CNTN5: variants seen among roughly 807,000 people sequenced by gnomAD.
CNTN5 encodes contactin-5.
In CNTN5, 77 loss-of-function variants were observed where a neutral mutation model predicts 129.1. That is an observed-to-expected ratio of 0.60 (90% CI 0.50 to 0.72). The LOEUF (loss-of-function observed/expected upper bound fraction) is 0.72, where lower values mean the gene tolerates loss of function less well. Among genes scored for constraint, CNTN5 ranks in the 30% least tolerant of loss-of-function variants. The pLI is 0.00. For missense variants in CNTN5, 1,478 were observed against 1,328.8 expected (o/e 1.11, Z -1.75); for synonymous variants, 509 against 465.6 (o/e 1.09, Z -1.20).
chr11:99,769,185 A>G (rs1944860327), intron 3 of CNTN5, among the ~76,000 whole-genome samples: 1 of 152,100 alleles, frequency 6.6e-6, no homozygotes, highest in African/African-American at 2.4e-5. Flanking sequence ...GGCAACTTTG[A>G]CCTGTTGTCT....
chr11:99,520,370 C>G (rs890648392), intron 2 of CNTN5, among the ~76,000 whole-genome samples: 5 of 152,068 alleles, frequency 3.3e-5, no homozygotes, highest in African/African-American at 1.2e-4. Context: ...CTCCCCCAAT[C>G]CTCATCAGTG....
At chr11:99,218,604 G>C (rs537288324) in intron 1 of CNTN5, among the ~76,000 whole-genome samples, 1 of 151,910 alleles carries the variant, frequency 6.6e-6, no homozygotes, top group Non-Finnish European at 1.5e-5. Flanking sequence ...GCAATCAGGG[G>C]TATATCCAAT....
At position 100,193,525 on chromosome 11, in the gene CNTN5, A is replaced by G; in HGVS notation, c.1746A>G (p.Glu582=). 1 of 1,608,652 alleles carries G rather than the reference A, an allele frequency of 6.2e-7. No homozygotes were observed. Among genetic ancestry groups the G allele is most frequent in the Non-Finnish European group, 8.5e-7 (1 of 1,177,134 alleles). ...TRIELTPKRT[E]LTVGESIVLN... is the part of the protein sequence containing the mutation. ...TAGAACTTACTCCTAAAAGAACAGA[A>G]TTGACAGTGGGAGAAAGCATTGTCC... The change falls in exon 15 of 25, where the codon GAA becomes GAG. Residue 582 remains glutamate, a synonymous_variant. Transcript: ENST00000524871.
At chr11:99,533,167 G>C (rs11220331) in intron 2 of CNTN5, among the ~76,000 whole-genome samples, 1 of 152,154 alleles carries the variant, frequency 6.6e-6, no homozygotes, top group African/African-American at 2.4e-5. Context: ...AGGTTGCAGT[G>C]AGCCAAGATT....
chr11:99,649,265 C>T (rs1176052160), intron 3 of CNTN5, among the ~76,000 whole-genome samples: 1 of 151,602 alleles, frequency 6.6e-6, no homozygotes, highest in Non-Finnish European at 1.5e-5. Flanking sequence ...CAAATTACTT[C>T]TATTAATTTA....
chr11:99,653,082 G>A (rs989464850), intron 3 of CNTN5, among the ~76,000 whole-genome samples: 12 of 151,914 alleles, frequency 7.9e-5, no homozygotes, highest in African/African-American at 2.2e-4. Flanking sequence ...GAATTCACTG[G>A]TTTCAATTTT....
intron 18 of CNTN5, among the ~76,000 whole-genome samples, chr11:100,276,161 T>C (rs1218607872): frequency 6.6e-6 from 1 of 152,194 alleles, no homozygotes; most frequent in Non-Finnish European, 1.5e-5. Context: ...TATTCTGTCA[T>C]AGAATTGCCC....
chr11:99,172,360 A>C (rs538020679), intron 1 of CNTN5, among the ~76,000 whole-genome samples: 1 of 152,354 alleles, frequency 6.6e-6, no homozygotes, highest in South Asian at 2.1e-4. Context: ...TGCGTATCCA[A>C]GATTTCCATT....
chr11:99,616,464 A>G (rs1950763922), intron 3 of CNTN5, among the ~76,000 whole-genome samples: 1 of 152,232 alleles, frequency 6.6e-6, no homozygotes, highest in Non-Finnish European at 1.5e-5. Flanking sequence ...ATAATTCACT[A>G]TGATAGAAAT....
chr11:100,216,262 A>C (rs1460496618), intron 15 of CNTN5, among the ~76,000 whole-genome samples: 1 of 152,166 alleles, frequency 6.6e-6, no homozygotes, highest in Non-Finnish European at 1.5e-5. Context: ...CCAGGAAGAG[A>C]CCAGATTTGT....
rs1945829696 is a variant in CNTN5 at position 99,486,707 on chromosome 11, G to T, written c.-70-69438G>T. Among the ~76,000 whole-genome samples, 3 of 152,068 alleles carry T rather than the reference G, an allele frequency of 2.0e-5. 1 individual carries two copies. In the South Asian group the frequency reaches 6.2e-4, roughly 32 times the overall value. ...CTATTTCTTTCAAATGCAAAAACTG[G>T]ACTGTTGATTTTTGCATTGTTGTTG... is the stretch of plus-strand genomic sequence containing the variant. On this transcript the variant is annotated intron_variant, in intron 2 of 24. Transcript: ENST00000524871.
At chr11:99,129,546 A>G (rs529911318) in intron 1 of CNTN5, among the ~76,000 whole-genome samples, 1 of 152,332 alleles carries the variant, frequency 6.6e-6, no homozygotes, top group South Asian at 2.1e-4. Context: ...ACTTAAGGAT[A>G]CTATCCAGGA....
intron 1 of CNTN5, among the ~76,000 whole-genome samples, chr11:99,259,204 G>C: frequency 6.6e-6 from 1 of 151,638 alleles, no homozygotes. Context: ...TTTATTTTCT[G>C]AATTTAAACA....
chr11:99,265,614 C>T (rs1862849286), intron 1 of CNTN5, among the ~76,000 whole-genome samples: 2 of 151,836 alleles, frequency 1.3e-5, no homozygotes, highest in African/African-American at 4.8e-5. Context: ...AAATAAATTG[C>T]TGCTTGATTT....
At position 99,956,604 on chromosome 11, in the gene CNTN5, C is replaced by T. The variant is rs184083451; in HGVS notation, c.674-202C>T. Among the ~76,000 whole-genome samples, 27 of 152,256 alleles carry T rather than the reference C, an allele frequency of 1.8e-4. No individual in the cohort carries two copies. The East Asian group carries it at 4.8e-3, about 27-fold the overall frequency. ...AATAAATAAACGAGTCAAGGTCAGACATCGTAAGAAATATTTCAGATCTCA... is the reference window on the plus strand; with the variant it reads ...AATAAATAAACGAGTCAAGGTCAGATATCGTAAGAAATATTTCAGATCTCA... On this transcript the variant is annotated intron_variant, in intron 7 of 24. Coordinates refer to ENST00000524871, the MANE Select transcript of CNTN5 (RefSeq NM_014361.4).
At chr11:100,315,534 T>C (rs1206789817) in intron 21 of CNTN5, among the ~76,000 whole-genome samples, 3 of 152,156 alleles carry the variant, frequency 2.0e-5, no homozygotes, top group Non-Finnish European at 2.9e-5. Context: ...TCCCTTTCTG[T>C]TTCTGAGTGG....
chr11:99,646,153 G>T (rs1198074876), intron 3 of CNTN5, among the ~76,000 whole-genome samples: 1 of 152,016 alleles, frequency 6.6e-6, no homozygotes. Flanking sequence ...CGAAAACATT[G>T]GCTCTGTTTT....
At chr11:99,817,080 C>G (rs1011114830) in intron 3 of CNTN5, among the ~76,000 whole-genome samples, 1 of 152,192 alleles carries the variant, frequency 6.6e-6, no homozygotes, top group African/African-American at 2.4e-5. Flanking sequence ...ACTTTTATAT[C>G]ACATGATACT....
At chr11:99,267,920 GCACACACA>G (rs141288502) in intron 1 of CNTN5, among the ~76,000 whole-genome samples, 3,879 of 140,510 alleles carry the variant, frequency 0.028, 116 homozygotes, top group African/African-American at 0.07. Context: ...ACACACACAC[GCACACACA>G]CACACACACA....
Sources: gnomAD v4.1 joint callset for allele counts (sites outside exome capture counted in the v4.1 genomes callset) on GRCh38, gnomAD v4.1.1 for gene constraint, MANE v1.5 for transcripts, NCBI Gene and HGNC (gene_info 2026-07-23, HGNC 2026-07-21) for gene names.